Variants in CCDC30 observed in about 807,000 individuals in gnomAD.
CCDC30 encodes the protein coiled-coil domain-containing protein 30.
Under a neutral mutation model 100.2 loss-of-function variants are expected in CCDC30, and 70 were observed. That is an observed-to-expected ratio of 0.70 (90% CI 0.58 to 0.85). CCDC30 has a LOEUF of 0.85. Ranked by LOEUF, CCDC30 falls within the 40% of genes least tolerant of loss-of-function variation. The pLI is 0.00. For missense variants in CCDC30, 652 were observed against 771.2 expected, an observed-to-expected ratio of 0.85 and a Z score of 1.83; for synonymous variants, 233 against 269.5, an observed-to-expected ratio of 0.86 and a Z score of 1.33.
At chr1:42,577,785 C>A (rs531540385) in intron 8 of CCDC30, among the ~76,000 whole-genome samples, 1 of 151,844 alleles carries the variant, frequency 6.6e-6, no homozygotes, top group Admixed American at 6.6e-5. Flanking sequence ...GGACTACAGG[C>A]GTCCACCACC....
At chr1:42,515,219 AAC>A (rs1644537479) in intron 6 of CCDC30, among the ~76,000 whole-genome samples, 1 of 151,776 alleles carries the variant, frequency 6.6e-6, no homozygotes, top group South Asian at 2.1e-4. Flanking sequence ...AAAAAAAAAA[AAC>A]AAGAATAAGC....
intron 11 of CCDC30, among the ~76,000 whole-genome samples, chr1:42,616,162 C>G (rs1174356433): frequency 2.6e-5 from 4 of 152,194 alleles, no homozygotes; most frequent in African/African-American, 9.6e-5. Flanking sequence ...ACGATCCACT[C>G]GCCTTGGCCT....
At chr1:42,621,356 C>A (rs543602044) in intron 11 of CCDC30, among the ~76,000 whole-genome samples, 2 of 151,722 alleles carry the variant, frequency 1.3e-5, no homozygotes, top group East Asian at 3.9e-4. Flanking sequence ...GCTTTGTTGC[C>A]CAGGCTGGGA....
At position 42,625,796 on chromosome 1, in the gene CCDC30, C is replaced by T. The variant is rs1019662467; in HGVS notation, c.1278-11441C>T. Among the ~76,000 whole-genome samples, 9 of 151,990 alleles carry T rather than the reference C, an allele frequency of 5.9e-5. 1 individual carries two copies. Among genetic ancestry groups the T allele is most frequent in the Non-Finnish European group, 1.5e-5 (1 of 67,986 alleles). ...TGATGGTTTATCTTTGAGAATGATA[C>T]ATATACTGAGGAGAAGAAGGTGTAT... On this transcript the variant is annotated intron_variant, in intron 11 of 16. Coordinates refer to ENST00000668663, the Ensembl canonical transcript of CCDC30.
At chr1:42,496,992 T>C (rs1484047411) in intron 4 of CCDC30, 106 bp from the exon 5 acceptor site, 6 of 467,004 alleles carry the variant, frequency 1.3e-5, no homozygotes, top group African/African-American at 1.2e-4. Context: ...ATGGTAGGAC[T>C]GACAAGAAGG....
intron 11 of CCDC30, among the ~76,000 whole-genome samples, chr1:42,635,172 C>T (rs2148674811): frequency 6.6e-6 from 1 of 152,222 alleles, no homozygotes; most frequent in South Asian, 2.1e-4. Flanking sequence ...TCTCCTGCCT[C>T]AGCCTCCTGA....
chr1:42,540,836 T>C (rs996850822), intron 6 of CCDC30, among the ~76,000 whole-genome samples: 66 of 152,292 alleles, frequency 4.3e-4, no homozygotes, highest in African/African-American at 1.1e-3. Flanking sequence ...ATTGACACAA[T>C]ACCATTATCT....
intron 6 of CCDC30, among the ~76,000 whole-genome samples, chr1:42,535,332 A>G (rs1349718717): frequency 6.6e-6 from 1 of 152,082 alleles, no homozygotes; most frequent in African/African-American, 2.4e-5. Context: ...GAGCCCATAT[A>G]TGTCCAGGCA....
At chr1:42,656,067 C>T (rs772478040), downstream of CCDC30, among the ~76,000 whole-genome samples, 3 of 151,742 alleles carry the variant, frequency 2.0e-5, no homozygotes, top group Non-Finnish European at 4.4e-5. Flanking sequence ...GTCTCACTCT[C>T]ACTCTATTGT....
At chr1:42,545,628 T>G in intron 6 of CCDC30, 49 bp downstream of exon 9, 2 of 1,503,328 alleles carry the variant, frequency 1.3e-6, no homozygotes, top group South Asian at 2.5e-5. Flanking sequence ...AGAGGGTATA[T>G]TTTATTTGGC....
At chr1:42,573,649 C>G (rs776500641) in intron 7 of CCDC30, among the ~76,000 whole-genome samples, 23 of 152,044 alleles carry the variant, frequency 1.5e-4, no homozygotes, top group Non-Finnish European at 3.4e-4. Context: ...GCATCCTTTT[C>G]TAATTCCCAG....
chr1:42,471,129 T>C (rs1431562786), intron 1 of CCDC30, among the ~76,000 whole-genome samples: 1 of 152,172 alleles, frequency 6.6e-6, no homozygotes, highest in African/African-American at 2.4e-5. Context: ...TAAAGATCAC[T>C]GGCTTTGGGA....
At chr1:42,547,913 C>T (rs1645176756) in intron 6 of CCDC30, among the ~76,000 whole-genome samples, 1 of 152,190 alleles carries the variant, frequency 6.6e-6, no homozygotes, top group African/African-American at 2.4e-5. Flanking sequence ...CAAGGCAGTA[C>T]TGAGTACTAT....
chr1:42,537,518 C>T, intron 6 of CCDC30: 1 of 341,506 alleles, frequency 2.9e-6, no homozygotes, highest in South Asian at 2.3e-5. Flanking sequence ...CCCACTTTGA[C>T]TTCAAGGCTT....
chr1:42,502,424 C>T (rs571953962), intron 6 of CCDC30, among the ~76,000 whole-genome samples: 2 of 152,348 alleles, frequency 1.3e-5, no homozygotes, highest in East Asian at 3.9e-4. Context: ...CCTTGCTCTT[C>T]CCGGGTGAGA....
At chr1:42,544,469 G>A (rs1225678289) in intron 6 of CCDC30, among the ~76,000 whole-genome samples, 1 of 152,172 alleles carries the variant, frequency 6.6e-6, no homozygotes, top group Admixed American at 6.5e-5. Flanking sequence ...CTTACTCAGG[G>A]TAGGGGCTAC....
intron 6 of CCDC30, among the ~76,000 whole-genome samples, chr1:42,541,139 T>C (rs1445398584): frequency 6.6e-6 from 1 of 152,214 alleles, no homozygotes; most frequent in African/African-American, 2.4e-5. Flanking sequence ...AAATCAAAGA[T>C]CAAGATGTTG....
chr1:42,517,786 C>T (rs1024844828), intron 6 of CCDC30, among the ~76,000 whole-genome samples: 2 of 152,092 alleles, frequency 1.3e-5, no homozygotes, highest in Admixed American at 6.5e-5. Context: ...ATCAAATATG[C>T]GAGAGTTTGT....
chr1:42,491,415 C>T (rs1223756313), intron 4 of CCDC30, among the ~76,000 whole-genome samples: 1 of 151,152 alleles, frequency 6.6e-6, no homozygotes, highest in Non-Finnish European at 1.5e-5. Flanking sequence ...CAGTTGAACT[C>T]ATGGACATAG....
Sources: gnomAD v4.1 joint callset for allele counts (sites outside exome capture counted in the v4.1 genomes callset) on GRCh38, gnomAD v4.1.1 for gene constraint, MANE v1.5 for transcripts, NCBI Gene and HGNC (gene_info 2026-07-23, HGNC 2026-07-21) for gene names.